The following ZNF180 variants were observed in gnomAD, a reference collection of about 807,000 sequenced individuals.
The protein encoded by ZNF180 is zinc finger protein 180.
In ZNF180, 11 loss-of-function variants were observed where a neutral mutation model predicts 11.8. That is an observed-to-expected ratio of 0.93 (90% CI 0.59 to 1.55). The LOEUF (loss-of-function observed/expected upper bound fraction) is 1.55, where lower values mean the gene tolerates loss of function less well. Ranked by LOEUF, ZNF180 falls within the 40% of genes most tolerant of loss-of-function variation. ZNF180 has a pLI of 0.00. For synonymous variants in ZNF180, 287 were observed against 257.7 expected (o/e 1.11, Z -1.09); for missense variants, 773 against 781.7 (o/e 0.99, Z 0.13).
chr19:44,492,765 C>G lies in ZNF180; in HGVS notation c.51+4519G>C, dbSNP rs1353369740. ...CAGAAATATTACTGGACTCAATTCT[C>G]AGAGCTTTGCTTTGGGGGTCTACTG... On this transcript the variant is annotated intron_variant, in intron 2 of 4. Transcript: ENST00000592529. 2.2e-5 allele frequency among the ~76,000 whole-genome samples: 3 copies of G among 137,936 alleles called. No individual in the cohort carries two copies. The Admixed American group carries it at 2.3e-4, about 10-fold the overall frequency. 90.5% of individuals were successfully genotyped at this position (137,936 alleles called of 152,430 possible).
rs2123422359 is a variant in ZNF180 at position 44,475,679 on chromosome 19, C to T, written c.*723G>A. The T allele has an allele frequency of 6.6e-6, 1 of 152,312 alleles. No individual in the cohort carries two copies. The highest frequency in any genetic ancestry group is 1.9e-4 in the East Asian group (1 of 5,190). 9.4% of individuals were successfully genotyped at this position (152,312 alleles called of 1,614,324 possible). ...AATTTTTACTCATTATATCATTTAT[C>T]ATAGCATAACAGCGTACATTCCAAA... On this transcript the variant is annotated 3_prime_UTR_variant, in exon 5 of 5. Transcript: ENST00000592529.
intron 4 of ZNF180, among the ~76,000 whole-genome samples, 196 bp downstream of exon 4, chr19:44,479,087 A>C (rs561992972): frequency 6.6e-6 from 1 of 152,362 alleles, no homozygotes; most frequent in East Asian, 1.9e-4. Context: ...ATGAAGACTG[A>C]AAATCTCAAG....
Position 44,475,096 on chromosome 19 carries a change from A to C in ZNF180, c.*1306T>G, listed in dbSNP as rs1382687161. 1 of 152,208 alleles carries C rather than the reference A, an allele frequency of 6.6e-6. No homozygotes were observed. Among genetic ancestry groups the C allele is most frequent in the Non-Finnish European group, 1.5e-5 (1 of 68,044 alleles). 9.4% of individuals were successfully genotyped at this position (152,208 alleles called of 1,614,324 possible). A position where few individuals can be genotyped will look rare whatever the true frequency, so the allele number is the denominator to read the frequency against. On this transcript the variant is annotated 3_prime_UTR_variant, in exon 5 of 5. Transcript: ENST00000592529. ...CAGCTTATTACCTTTCTGGGATCAG[A>C]GGCTTCAATATATGGTCATCCACAG...
chr19:44,487,049 T>A (rs1172065080), intron 2 of ZNF180, among the ~76,000 whole-genome samples: 2 of 151,382 alleles, frequency 1.3e-5, no homozygotes, highest in African/African-American at 4.9e-5. Flanking sequence ...TCTCAAAAAA[T>A]AATAAATAAA....
At chr19:44,497,168 G>C in intron 2 of ZNF180, 116 bp downstream of exon 2, 1 of 725,878 alleles carries the variant, frequency 1.4e-6, no homozygotes, top group Non-Finnish European at 2.1e-6. Flanking sequence ...AAGCCTGATG[G>C]CCATGAGGGC....
At position 44,489,214 on chromosome 19, in the gene ZNF180, GGCCACCA is replaced by G. The variant is rs1970352917; in HGVS notation, c.52-4786_52-4780del. ...TGGGAGGTGAGGGGCGCCTCTGCCC[GGCCACCA>G]CCCCGTCTGGGAGGTGTACCCAACA... On this transcript the variant is annotated intron_variant, in intron 2 of 4. Coordinates refer to ENST00000592529, the MANE Select transcript of ZNF180 (RefSeq NM_001278509.3). Among the ~76,000 whole-genome samples the G allele has an allele frequency of 3.8e-4, 23 of 60,910 alleles. No individual in the cohort carries two copies. In the South Asian group the frequency reaches 0.013, roughly 33 times the overall value. 40.0% of individuals were successfully genotyped at this position (60,910 alleles called of 152,430 possible).
intron 3 of ZNF180, among the ~76,000 whole-genome samples, chr19:44,484,005 T>C (rs1387180580): frequency 6.7e-6 from 1 of 150,202 alleles, no homozygotes; most frequent in Non-Finnish European, 1.5e-5. Context: ...CTTTTTTTTT[T>C]TTTTTTTGAG....
At chr19:44,496,729 A>G (rs1404080399) in intron 2 of ZNF180, 1 of 151,868 alleles carries the variant, frequency 6.6e-6, no homozygotes, top group Non-Finnish European at 1.5e-5. Flanking sequence ...AATACAGATA[A>G]ATAAATGATA....
intron 2 of ZNF180, among the ~76,000 whole-genome samples, chr19:44,487,049 T>TAATA (rs767172235): frequency 2.2e-3 from 328 of 151,492 alleles, no homozygotes; most frequent in Admixed American, 3.9e-3. Flanking sequence ...TCTCAAAAAA[T>TAATA]AATAAATAAA....
intron 2 of ZNF180, among the ~76,000 whole-genome samples, chr19:44,486,907 G>A (rs1358991525): frequency 1.3e-5 from 2 of 152,128 alleles, no homozygotes; most frequent in African/African-American, 4.8e-5. Context: ...AAATTAGCTA[G>A]GTGTGGTATA....
intron 4 of ZNF180, among the ~76,000 whole-genome samples, chr19:44,478,587 T>C (rs1373641678): frequency 6.6e-6 from 1 of 152,198 alleles, no homozygotes; most frequent in Non-Finnish European, 1.5e-5. Context: ...TACTCTACTC[T>C]GTGTCAGTGA....
intron 1 of ZNF180, among the ~76,000 whole-genome samples, chr19:44,499,590 A>T (rs1431825792): frequency 6.6e-6 from 1 of 152,110 alleles, no homozygotes; most frequent in Non-Finnish European, 1.5e-5. Context: ...CACCCCCAGG[A>T]CGTGCAGGGG....
intron 2 of ZNF180, among the ~76,000 whole-genome samples, chr19:44,491,958 G>A (rs1970461068): frequency 6.6e-6 from 1 of 152,086 alleles, no homozygotes; most frequent in Non-Finnish European, 1.5e-5. Context: ...GGTTTAGTAA[G>A]CTCATTTAAG....
chr19:44,497,512 C>T (rs1970622231), intron 1 of ZNF180, 135 bp from the exon 2 acceptor site: 4 of 854,498 alleles, frequency 4.7e-6, no homozygotes, highest in African/African-American at 1.8e-5. Context: ...TTCCTGCCAG[C>T]TTCCTGCCCA....
chr19:44,476,541 C>T lies in ZNF180; in HGVS notation c.1859G>A (p.Arg620Gln), dbSNP rs1404608941. Reference sequence around the variant, plus strand: ...ATGAGTTCTTTGATGCACAATAAGTCGAGCACTCAAGCTAAATGTTTTTCC... The same window carrying T: ...ATGAGTTCTTTGATGCACAATAAGTTGAGCACTCAAGCTAAATGTTTTTCC... ...QCGKTFSLSA[R>Q]LIVHQRTHTG... The change falls in exon 5 of 5, where the codon CGA (arginine) becomes CAA (glutamine). Residue 620 changes from arginine to glutamine, a missense_variant. Arg to Gln is a conservative substitution (Grantham distance 43). Coordinates refer to ENST00000592529, the MANE Select transcript of ZNF180 (RefSeq NM_001278509.3). The T allele has an allele frequency of 9.9e-6, 16 of 1,613,712 alleles. No homozygotes were observed. The highest frequency in any genetic ancestry group is 4.0e-5 in the African/African-American group (3 of 74,930).
intron 2 of ZNF180, among the ~76,000 whole-genome samples, chr19:44,485,601 C>G (rs1458571539): frequency 6.6e-6 from 1 of 152,174 alleles, no homozygotes; most frequent in Admixed American, 6.5e-5. Flanking sequence ...CCAGCTCTGG[C>G]AGCCCACTGG....
At chr19:44,488,476 G>C (rs545036125) in intron 2 of ZNF180, among the ~76,000 whole-genome samples, 3 of 152,034 alleles carry the variant, frequency 2.0e-5, no homozygotes, top group Non-Finnish European at 4.4e-5. Context: ...TGTGTTGGCC[G>C]GGCTGGTCTC....
In ZNF180 at chr19:44,476,740, G is replaced by C. The variant is rs746255635; in HGVS notation, c.1660C>G (p.Gln554Glu). The C allele has an allele frequency of 5.0e-6, 8 of 1,614,018 alleles. No homozygotes were observed. The highest frequency in any genetic ancestry group is 5.9e-6 in the Non-Finnish European group (7 of 1,180,002). Reference protein sequence around the residue: ...HTGEKPYECNQCGKSFSQSYV... With the variant: ...HTGEKPYECNECGKSFSQSYV... ...CTCTGGCTGAAGGATTTCCCACACT[G>C]ATTACATTCATACGGTTTTTCCCCA... The change falls in exon 5 of 5, where the codon CAG becomes GAG. Residue 554 changes from glutamine to glutamate, a missense_variant. Coordinates refer to ENST00000592529, the MANE Select transcript of ZNF180 (RefSeq NM_001278509.3).
intron 2 of ZNF180, among the ~76,000 whole-genome samples, chr19:44,487,752 G>C (rs117937117): frequency 0.028 from 4,272 of 152,302 alleles, 90 homozygotes; most frequent in Non-Finnish European, 0.044. Context: ...TTTTGAGACA[G>C]AGTCTCGCGC....
Sources: allele counts gnomAD v4.1 joint callset (sites outside exome capture counted in the v4.1 genomes callset), GRCh38; gene constraint gnomAD v4.1.1; transcripts MANE v1.5; gene names NCBI Gene and HGNC (gene_info 2026-07-23, HGNC 2026-07-21).